The following RNF150 variants were observed in gnomAD, a reference collection of about 807,000 sequenced individuals.
RNF150 encodes ring finger protein 150.
A neutral mutation model predicts 39.3 loss-of-function variants in RNF150; 24 were observed. The ratio of observed to expected loss-of-function variants is 0.61; its 90% confidence interval spans 0.44 to 0.86. RNF150 has a LOEUF of 0.86. RNF150 is among the 40% of genes least tolerant of loss of function. The pLI is 0.00. For missense variants in RNF150, 502 were observed against 587.8 expected, an observed-to-expected ratio of 0.85 and a Z score of 1.51; for synonymous variants, 255 against 227.3, an observed-to-expected ratio of 1.12 and a Z score of -1.10.
intron 1 of RNF150, among the ~76,000 whole-genome samples, chr4:141,091,611 T>C (rs1738583917): frequency 6.6e-6 from 1 of 152,162 alleles, no homozygotes; most frequent in South Asian, 2.1e-4. Flanking sequence ...CTAAATTAGA[T>C]AACCACTGGA....
chr4:140,948,650 G>A (rs1732419978), intron 3 of RNF150, among the ~76,000 whole-genome samples: 1 of 152,138 alleles, frequency 6.6e-6, no homozygotes, highest in Admixed American at 6.5e-5. Context: ...CATTGCCCAG[G>A]CTGGTCTTGA....
intron 1 of RNF150, among the ~76,000 whole-genome samples, chr4:141,086,996 T>C (rs1738391641): frequency 6.6e-6 from 1 of 152,198 alleles, no homozygotes; most frequent in African/African-American, 2.4e-5. Flanking sequence ...ATTAAAAATT[T>C]TTTATTTTAG....
chr4:141,026,699 A>G (rs1164836227), intron 1 of RNF150, among the ~76,000 whole-genome samples: 1 of 152,208 alleles, frequency 6.6e-6, no homozygotes, highest in Non-Finnish European at 1.5e-5. Context: ...CTCATTTAGT[A>G]CTTTTTGTCT....
intron 1 of RNF150, among the ~76,000 whole-genome samples, chr4:141,121,522 T>A (rs1726600200): frequency 6.6e-6 from 1 of 152,180 alleles, no homozygotes; most frequent in Non-Finnish European, 1.5e-5. Context: ...AATCAACATT[T>A]AGCATATAGA....
chr4:140,927,099 C>T (rs779888401), intron 4 of RNF150, among the ~76,000 whole-genome samples: 3 of 152,048 alleles, frequency 2.0e-5, no homozygotes, highest in African/African-American at 7.2e-5. Context: ...GTGCTGGGCT[C>T]AAATACTTAA....
At chr4:141,166,228 C>T (rs188033982) in intron 1 of RNF150, among the ~76,000 whole-genome samples, 31 of 152,276 alleles carry the variant, frequency 2.0e-4, no homozygotes, top group African/African-American at 7.0e-4. Context: ...TGGCCACATA[C>T]ACCCTCTCAA....
chr4:141,022,212 T>A (rs893655264), intron 1 of RNF150, among the ~76,000 whole-genome samples: 15 of 151,796 alleles, frequency 9.9e-5, no homozygotes, highest in African/African-American at 3.4e-4. Flanking sequence ...GCACTGGGTT[T>A]TTTTTATTTT....
chr4:140,968,309 C>T (rs540372941), intron 1 of RNF150, among the ~76,000 whole-genome samples: 2 of 151,990 alleles, frequency 1.3e-5, no homozygotes, highest in South Asian at 4.2e-4. Context: ...TCTTATGCCA[C>T]CTGAGAGCTC....
intron 4 of RNF150, among the ~76,000 whole-genome samples, chr4:140,940,733 T>A (rs1325400639): frequency 6.6e-6 from 1 of 152,174 alleles, no homozygotes; most frequent in Non-Finnish European, 1.5e-5. Flanking sequence ...AGAACTCCCT[T>A]CTCCTTTTCC....
At chr4:141,161,488 C>T (rs1438762136) in intron 1 of RNF150, among the ~76,000 whole-genome samples, 1 of 152,144 alleles carries the variant, frequency 6.6e-6, no homozygotes, top group African/African-American at 2.4e-5. Flanking sequence ...AGAGAAAAGC[C>T]TATTATCTGG....
At chr4:140,932,595 C>A (rs950991109) in intron 4 of RNF150, among the ~76,000 whole-genome samples, 2 of 152,164 alleles carry the variant, frequency 1.3e-5, no homozygotes, top group East Asian at 3.9e-4. Flanking sequence ...AACCTTTATT[C>A]TTTCCCAGTG....
intron 1 of RNF150, among the ~76,000 whole-genome samples, chr4:141,063,664 C>T (rs12647330): frequency 0.016 from 2,465 of 152,208 alleles, 100 homozygotes; most frequent in East Asian, 0.15. Flanking sequence ...CAAGAAGGAC[C>T]AGACAAAACT....
rs144188729 is a variant in RNF150, at chr4:140,999,250, C to T, written c.485-31377G>A. ...GATGTTAAGCCAAAAAACTAAAACA[C>T]GCATTTCTCCAGTGTCATTCATCCC... On this transcript the variant is annotated intron_variant, in intron 1 of 6. Coordinates refer to ENST00000515673, the MANE Select transcript of RNF150 (RefSeq NM_020724.2). Among the ~76,000 whole-genome samples, 883 of 152,304 alleles carry T rather than the reference C, an allele frequency of 5.8e-3. 10 individuals are homozygous for T. The highest frequency in any genetic ancestry group is 0.015 in the African/African-American group (622 of 41,566).
chr4:141,204,390 T>C (rs1728341575), intron 1 of RNF150, among the ~76,000 whole-genome samples: 1 of 152,196 alleles, frequency 6.6e-6, no homozygotes, highest in Non-Finnish European at 1.5e-5. Flanking sequence ...GTTATGATAA[T>C]CCACTCACCT....
chr4:141,050,714 G>T (rs1210153617), intron 1 of RNF150, among the ~76,000 whole-genome samples: 1 of 152,176 alleles, frequency 6.6e-6, no homozygotes, highest in Non-Finnish European at 1.5e-5. Context: ...GGGCAGCTCC[G>T]CCCCTGTGGC....
chr4:141,050,248 A>C (rs1014802117), intron 1 of RNF150, among the ~76,000 whole-genome samples: 6 of 152,098 alleles, frequency 3.9e-5, no homozygotes, highest in African/African-American at 1.2e-4. Flanking sequence ...TCCTCCCATG[A>C]CATGTGGGAA....
chr4:140,921,016 A>C (rs1437456771), intron 5 of RNF150, among the ~76,000 whole-genome samples: 7 of 151,626 alleles, frequency 4.6e-5, no homozygotes, highest in African/African-American at 1.2e-4. Context: ...GAAGGGGAAC[A>C]TCACACTCTG....
rs192222660 is a variant in RNF150, at chr4:140,909,855, T to C, written c.1198+1289A>G. 3.3e-5 allele frequency among the ~76,000 whole-genome samples: 5 copies of C among 152,320 alleles called. No individual in the cohort carries two copies. The East Asian group carries it at 5.8e-4, about 18-fold the overall frequency. ...AAAGGTCCTATTTATCAAAAACTAA[T>C]AAACTTTGCATGTGCAGATATTTCT... On this transcript the variant is annotated intron_variant, in intron 6 of 6. Coordinates refer to ENST00000515673, the MANE Select transcript of RNF150 (RefSeq NM_020724.2).
chr4:140,970,796 AGTGCAAAT>A, intron 1 of RNF150, among the ~76,000 whole-genome samples: 1 of 152,238 alleles, frequency 6.6e-6, no homozygotes, highest in South Asian at 2.1e-4. Context: ...AAAGACAAAC[AGTGCAAAT>A]GGCAGTGGGG....
Sources: gnomAD v4.1 joint callset for allele counts (sites outside exome capture counted in the v4.1 genomes callset) on GRCh38, gnomAD v4.1.1 for gene constraint, MANE v1.5 for transcripts, NCBI Gene and HGNC (gene_info 2026-07-23, HGNC 2026-07-21) for gene names.